Variants in NUP133 observed in about 807,000 individuals in gnomAD.
NUP133 encodes nuclear pore complex protein Nup133.
A neutral mutation model predicts 146.2 loss-of-function variants in NUP133; 66 were observed. The ratio of observed to expected loss-of-function variants is 0.45; its 90% confidence interval spans 0.37 to 0.55. NUP133 has a LOEUF of 0.55. Ranked by LOEUF, NUP133 falls within the 20% of genes least tolerant of loss-of-function variation. The pLI is 0.00. For synonymous variants in NUP133, 521 were observed against 498.8 expected, an observed-to-expected ratio of 1.04 and a Z score of -0.59; for missense variants, 1,277 against 1,374.8, an observed-to-expected ratio of 0.93 and a Z score of 1.12.
chr1:229,447,105 C>G (rs1387129453), intron 24 of NUP133, among the ~76,000 whole-genome samples: 1 of 152,058 alleles, frequency 6.6e-6, no homozygotes, highest in African/African-American at 2.4e-5. Context: ...GCCTGGGCAA[C>G]AAGAGTGAAA....
At chr1:229,501,898 C>A (rs754022) in intron 3 of NUP133, 101 bp downstream of exon 3, 161,436 of 790,666 alleles carry the variant, frequency 0.2, 17,317 homozygotes, top group Middle Eastern at 0.26. Context: ...AAGTAGTTTC[C>A]TATTGACTAT....
At chr1:229,507,930 G>C in intron 1 of NUP133, 138 bp downstream of exon 1, 7 of 1,263,086 alleles carry the variant, frequency 5.5e-6, no homozygotes, top group Admixed American at 4.2e-5. Flanking sequence ...TGCAGCAGTG[G>C]AAAAGGTCTA....
At chr1:229,457,643 CTTG>C (rs983679910) in intron 21 of NUP133, among the ~76,000 whole-genome samples, 27 of 151,956 alleles carry the variant, frequency 1.8e-4, no homozygotes, top group East Asian at 1.5e-3. Flanking sequence ...TGTTAATTCT[CTTG>C]TTGTAATTTT....
Position 229,441,849 on chromosome 1 carries a change from T to A in NUP133, c.*55A>T. 7.1e-7 allele frequency: 1 copy of A among 1,413,388 alleles called. No individual in the cohort carries two copies. The highest frequency in any genetic ancestry group is 1.5e-5 in the African/African-American group (1 of 68,050). The allele number at this position is 1,413,388 out of a possible 1,614,324, so 87.6% of individuals were successfully genotyped here. On this transcript the variant is annotated 3_prime_UTR_variant, in exon 26 of 26. Transcript: ENST00000261396. The stretch of plus-strand genomic sequence containing the variant: ...TTACACTTGTTTATGGCCTAAAATT[T>A]GTATAAGGACACACTTATACAGATT...
At chr1:229,487,681 T>C in intron 9 of NUP133, 68 bp from the exon 10 acceptor site, 1 of 1,217,674 alleles carries the variant, frequency 8.2e-7, no homozygotes, top group Non-Finnish European at 1.2e-6. Flanking sequence ...ATTTTTTAAA[T>C]TCATTTTTGT....
At chr1:229,460,809 A>T in intron 19 of NUP133, 40 bp from the exon 20 acceptor site, 1 of 1,530,022 alleles carries the variant, frequency 6.5e-7, no homozygotes. Flanking sequence ...ATAATAGTTT[A>T]AAAAAACACA....
At chr1:229,505,615 G>A (rs1661915277) in intron 2 of NUP133, among the ~76,000 whole-genome samples, 1 of 150,106 alleles carries the variant, frequency 6.7e-6, no homozygotes, top group Non-Finnish European at 1.5e-5. Context: ...GGCCAGATGT[G>A]GTGGCTCACG....
intron 18 of NUP133, 147 bp from the exon 19 acceptor site, chr1:229,463,823 A>G: frequency 1.1e-6 from 1 of 900,504 alleles, no homozygotes; most frequent in Non-Finnish European, 1.6e-6. Context: ...ACTGGCACTT[A>G]GTTTCACAAT....
intron 25 of NUP133, among the ~76,000 whole-genome samples, chr1:229,443,782 G>C (rs1295668530): frequency 7.4e-6 from 1 of 135,994 alleles, no homozygotes; most frequent in East Asian, 2.1e-4. Context: ...AGGCTGAAGT[G>C]CAGTGGCACC....
At chr1:229,463,205 A>G (rs987091756) in intron 19 of NUP133, among the ~76,000 whole-genome samples, 1 of 152,162 alleles carries the variant, frequency 6.6e-6, no homozygotes, top group African/African-American at 2.4e-5. Flanking sequence ...CCTGGACAAC[A>G]TAGCGAGACT....
At chr1:229,448,926 T>A (rs1182879668) in intron 24 of NUP133, 200 bp downstream of exon 24, 1 of 569,766 alleles carries the variant, frequency 1.8e-6, no homozygotes, top group Non-Finnish European at 3.1e-6. Context: ...CCTGTGGTTG[T>A]AGATTGTATC....
intron 10 of NUP133, 38 bp from the exon 11 acceptor site, chr1:229,486,566 A>G (rs753171615): frequency 1.3e-6 from 2 of 1,569,310 alleles, no homozygotes; most frequent in Non-Finnish European, 1.7e-6. Context: ...ACATCTAACA[A>G]TAACAACAAA....
intron 17 of NUP133, 141 bp from the exon 18 acceptor site, chr1:229,465,016 G>A (rs1385445369): frequency 1.0e-6 from 1 of 957,220 alleles, no homozygotes; most frequent in Non-Finnish European, 1.6e-6. Context: ...ACCTGTCAAT[G>A]CCCTGCTTGA....
intron 18 of NUP133, 148 bp downstream of exon 18, chr1:229,464,476 T>C: frequency 1.1e-6 from 1 of 922,622 alleles, no homozygotes; most frequent in Non-Finnish European, 1.6e-6. Context: ...AAAAGTTGAA[T>C]AAATGAGCAC....
chr1:229,479,890 A>C (rs1206534644), intron 12 of NUP133, among the ~76,000 whole-genome samples: 1 of 152,234 alleles, frequency 6.6e-6, no homozygotes, highest in Non-Finnish European at 1.5e-5. Context: ...GAACAAACAG[A>C]TAAGGTGGTA....
rs1281060467 is a variant in NUP133, at chr1:229,486,373, C to T, written c.1498G>A (p.Glu500Lys). Residue 500 changes from glutamate (E) to lysine (K), a missense_variant and splice_region_variant, in exon 11 of 26, where the codon GAG (glutamate) becomes AAG (lysine). Glu to Lys is a moderately conservative substitution (Grantham distance 56). Transcript: ENST00000261396. Reference sequence around the variant, plus strand: ...AAATTCTTATCGAATCACATTACCTCACTGTTTGGTCCAGCAACTGAAGAT... The same window carrying T: ...AAATTCTTATCGAATCACATTACCTTACTGTTTGGTCCAGCAACTGAAGAT... The part of the protein sequence containing the change: ...LASSVAGPNS[E>K]SMIFETTTKN... 6.4e-7 allele frequency: 1 copy of T among 1,572,822 alleles called. No individual in the cohort carries two copies. Among genetic ancestry groups the T allele is most frequent in the East Asian group, 2.3e-5 (1 of 44,184 alleles).
At chr1:229,497,676 T>C (rs1300951592) in intron 6 of NUP133, among the ~76,000 whole-genome samples, 1 of 152,160 alleles carries the variant, frequency 6.6e-6, no homozygotes, top group Admixed American at 6.5e-5. Context: ...ATAACAACTA[T>C]AGAGCACCGA....
At chr1:229,472,710 A>G (rs1660987735) in intron 14 of NUP133, among the ~76,000 whole-genome samples, 1 of 138,224 alleles carries the variant, frequency 7.2e-6, no homozygotes, top group African/African-American at 2.8e-5. Context: ...AAATATACAT[A>G]TATATATATA....
chr1:229,466,836 T>C lies in NUP133; in HGVS notation c.2077-80A>G, dbSNP rs937143708. ...ACAACTACCCAGTGAGTTTTACTCA[T>C]TAAGCCATATCCTCAGACCTATAGA... On this transcript the variant is annotated intron_variant, in intron 15 of 25. Coordinates refer to ENST00000261396, the MANE Select transcript of NUP133 (RefSeq NM_018230.3). 5 of 1,390,256 alleles carry C rather than the reference T, an allele frequency of 3.6e-6. No individual in the cohort carries two copies. The African/African-American group carries it at 7.1e-5, about 20-fold the overall frequency. 86.1% of individuals were successfully genotyped at this position (1,390,256 alleles called of 1,614,324 possible).
Sources: gnomAD v4.1 joint callset for allele counts (sites outside exome capture counted in the v4.1 genomes callset) on GRCh38, gnomAD v4.1.1 for gene constraint, MANE v1.5 for transcripts, NCBI Gene and HGNC (gene_info 2026-07-23, HGNC 2026-07-21) for gene names.